Variants in USP47 observed in about 807,000 individuals in gnomAD.
The protein encoded by USP47 is ubiquitin specific peptidase 47, also known as ubiquitin carboxyl-terminal hydrolase 47.
A neutral mutation model predicts 165.1 loss-of-function variants in USP47; 35 were observed. That is an observed-to-expected ratio of 0.21 (90% CI 0.16 to 0.28). The LOEUF is 0.28. USP47 is among the 10% of genes least tolerant of loss of function. USP47 has a pLI of 1.00. For synonymous variants in USP47, 531 were observed against 544.5 expected (o/e 0.98, Z 0.35); for missense variants, 1,277 against 1,607.4 (o/e 0.79, Z 3.52).
At chr11:11,937,053 C>G (rs976059519) in intron 17 of USP47, among the ~76,000 whole-genome samples, 2 of 151,786 alleles carry the variant, frequency 1.3e-5, no homozygotes, top group African/African-American at 4.8e-5. Context: ...TTAAATCTAT[C>G]ACATTCACTC....
intron 1 of USP47, among the ~76,000 whole-genome samples, chr11:11,872,539 A>T (rs1002411854): frequency 6.6e-6 from 1 of 152,224 alleles, no homozygotes; most frequent in African/African-American, 2.4e-5. Context: ...AGGTGAGGAC[A>T]TCCAGGGAAA....
chr11:11,949,680 G>C (rs768985517), intron 22 of USP47, among the ~76,000 whole-genome samples: 1 of 152,120 alleles, frequency 6.6e-6, no homozygotes, highest in Non-Finnish European at 1.5e-5. Context: ...CCAGTTTACA[G>C]AACTGAGACA....
At chr11:11,948,667 AT>A (rs1231730845) in intron 22 of USP47, 109 bp downstream of exon 22, 2 of 1,046,146 alleles carry the variant, frequency 1.9e-6, no homozygotes, top group East Asian at 2.6e-5. Flanking sequence ...AGGTCAGCAA[AT>A]TTTTTCTGGG....
rs768705358 is a variant in USP47, at chr11:11,952,748, G to C, written c.3591G>C (p.Glu1197Asp). The change falls in exon 25 of 28, where the codon GAG (glutamate) becomes GAC (aspartate). Residue 1197 changes from glutamate to aspartate, a missense_variant. Physicochemically the swap from Glu to Asp is conservative, Grantham distance 45. This residue lies in a region of USP47 where 909 missense variants were observed against 1,068.1 expected (regional missense o/e 0.85). Transcript: ENST00000527733. ...EVFLEVLDGV[E>D]KMKSMSQLAV... ...AATCTTGCATATTCTTAGGGGTAGA[G>C]AAGATGAAGTCCATGTCACAGCTTG... The C allele has an allele frequency of 5.0e-6, 8 of 1,598,872 alleles. No homozygotes were observed. In the South Asian group the frequency reaches 5.6e-5, roughly 11 times the overall value.
chr11:11,919,670 G>A (rs933125665), intron 8 of USP47, among the ~76,000 whole-genome samples: 4 of 151,886 alleles, frequency 2.6e-5, no homozygotes, highest in Admixed American at 6.6e-5. Flanking sequence ...GCAGATTACT[G>A]ACTGATCCTA....
chr11:11,911,597 C>T (rs1852992586), intron 8 of USP47, among the ~76,000 whole-genome samples: 1 of 151,572 alleles, frequency 6.6e-6, no homozygotes, highest in Non-Finnish European at 1.5e-5. Context: ...ACACAGCTGC[C>T]AAAATACATG....
chr11:11,943,968 G>T (rs539895222), intron 20 of USP47: 2 of 151,786 alleles, frequency 1.3e-5, no homozygotes, highest in African/African-American at 4.8e-5. Context: ...ACTTTGTAAA[G>T]CAAACATTAG....
At chr11:11,948,327 A>G in intron 21 of USP47, 151 bp from the exon 22 acceptor site, 1 of 822,592 alleles carries the variant, frequency 1.2e-6, no homozygotes, top group Non-Finnish European at 1.9e-6. Context: ...GTCAGTTACT[A>G]TTCTAGGTGC....
chr11:11,942,742 A>G lies in USP47; in HGVS notation c.2721A>G (p.Glu907=). ...CATCAGTGGATAATAGAGAACTTGA[A>G]CAGCATATTCAGACTTCTGATCCAG... ...SSASVDNREL[E]QHIQTSDPEN... Residue 907 remains glutamate (E), a synonymous_variant, in exon 20 of 28, where the codon GAA becomes GAG. Transcript: ENST00000527733. 1 of 1,613,656 alleles carries G rather than the reference A, an allele frequency of 6.2e-7. No homozygotes were observed. The highest frequency in any genetic ancestry group is 8.5e-7 in the Non-Finnish European group (1 of 1,179,754).
At chr11:11,954,639 A>C (rs1190731943) in intron 25 of USP47, among the ~76,000 whole-genome samples, 1 of 152,096 alleles carries the variant, frequency 6.6e-6, no homozygotes, top group African/African-American at 2.4e-5. Flanking sequence ...TTATATAGAG[A>C]TATTAATCTG....
chr11:11,897,677 A>G lies in USP47; in HGVS notation c.577A>G (p.Arg193Gly), dbSNP rs1851929164. 6.2e-7 allele frequency: 1 copy of G among 1,608,766 alleles called. No homozygotes were observed. The highest frequency in any genetic ancestry group is 1.3e-5 in the African/African-American group (1 of 74,766). The change falls in exon 5 of 28, where the codon AGG becomes GGG. Residue 193 changes from arginine (R) to glycine (G), a missense_variant. Physicochemically the swap from Arg to Gly is moderately radical, Grantham distance 125 (BLOSUM62 -2). Transcript: ENST00000527733. ...LQTLFMTPEF[R>G]NALYKWEFEE... ...AACACTTTTTATGACTCCTGAATTT[A>G]GGAATGCATTATATAAGTGAGTATT...
At chr11:11,953,880 A>AT (rs1856382071) in intron 25 of USP47, among the ~76,000 whole-genome samples, 2 of 152,160 alleles carry the variant, frequency 1.3e-5, no homozygotes, top group Non-Finnish European at 1.5e-5. Context: ...AATTGATATG[A>AT]TTTTTTTCAA....
At chr11:11,953,530 C>T (rs756207160) in intron 25 of USP47, among the ~76,000 whole-genome samples, 2 of 151,796 alleles carry the variant, frequency 1.3e-5, no homozygotes, top group Non-Finnish European at 2.9e-5. Context: ...CTATAGACCA[C>T]GTAAAAACCT....
intron 8 of USP47, among the ~76,000 whole-genome samples, chr11:11,906,075 C>T (rs1463677968): frequency 6.6e-6 from 1 of 151,994 alleles, no homozygotes; most frequent in Non-Finnish European, 1.5e-5. Flanking sequence ...CTGTAATCAC[C>T]TTAATTATTC....
At chr11:11,906,772 T>C (rs1352172335) in intron 8 of USP47, among the ~76,000 whole-genome samples, 2 of 152,150 alleles carry the variant, frequency 1.3e-5, no homozygotes, top group Admixed American at 6.5e-5. Context: ...TTTAACCTTA[T>C]TTTGCTTTAA....
rs1853741999 is a variant in USP47, at chr11:11,920,348, C to T, written c.1072C>T (p.Arg358Trp). The T allele has an allele frequency of 1.2e-6, 2 of 1,605,230 alleles. No individual in the cohort carries two copies. Among genetic ancestry groups the T allele is most frequent in the Non-Finnish European group, 1.7e-6 (2 of 1,176,438 alleles). Residue 358 changes from arginine to tryptophan, a missense_variant, in exon 10 of 28, where the codon CGG becomes TGG. By Grantham distance (101) the Arg-to-Trp change is moderately radical. Around this residue, in one of 4 missense-constraint regions of USP47, gnomAD observed 175 missense variants for 295.8 expected, o/e 0.59. Coordinates refer to ENST00000527733, the MANE Select transcript of USP47 (RefSeq NM_001282659.2). ...TTTGTTGTTTGTTTTTTAGGGCCTT[C>T]GGTTTTTGCATTTTCCTTATCTGCT... ...KKKCDARKGL[R>W]FLHFPYLLTL...
At chr11:11,896,675 A>T (rs776354410) in intron 4 of USP47, among the ~76,000 whole-genome samples, 1 of 152,144 alleles carries the variant, frequency 6.6e-6, no homozygotes, top group Admixed American at 6.5e-5. Context: ...TCACAGTCTG[A>T]TGGGGGAGAC....
chr11:11,911,295 T>G (rs1158810647), intron 8 of USP47, among the ~76,000 whole-genome samples: 1 of 152,134 alleles, frequency 6.6e-6, no homozygotes, highest in African/African-American at 2.4e-5. Context: ...GGTGTAACAC[T>G]TGTGTCATTA....
At chr11:11,929,799 A>G (rs1179233365) in intron 12 of USP47, among the ~76,000 whole-genome samples, 1 of 152,030 alleles carries the variant, frequency 6.6e-6, no homozygotes, top group East Asian at 1.9e-4. Flanking sequence ...TAGACTACCA[A>G]TTTTCCTCTG....
Sources: gnomAD v4.1 joint callset for allele counts (sites outside exome capture counted in the v4.1 genomes callset) on GRCh38, gnomAD v4.1.1 for gene constraint, gnomAD v4.1.1 regional missense constraint, MANE v1.5 for transcripts, NCBI Gene and HGNC (gene_info 2026-07-23, HGNC 2026-07-21) for gene names.